Variants in ZNF445 observed in about 807,000 individuals in gnomAD.
ZNF445 encodes the protein zinc finger protein 168.
In ZNF445, 19 loss-of-function variants were observed where a neutral mutation model predicts 93.9. The ratio of observed to expected loss-of-function variants is 0.20; its 90% CI spans 0.14 to 0.30. The LOEUF (loss-of-function observed/expected upper bound fraction) is 0.30, where lower values mean the gene tolerates loss of function less well. Among genes scored for constraint, ZNF445 ranks in the 10% least tolerant of loss-of-function variants. The pLI, the probability that ZNF445 is intolerant of heterozygous loss-of-function variation, is 1.00. For synonymous variants in ZNF445, 449 were observed against 446.3 expected, an observed-to-expected ratio of 1.01 and a Z score of -0.08; for missense variants, 1,058 against 1,259.4, an observed-to-expected ratio of 0.84 and a Z score of 2.42.
intron 7 of ZNF445, among the ~76,000 whole-genome samples, chr3:44,449,276 T>C (rs891500466): frequency 2.0e-5 from 3 of 151,722 alleles, no homozygotes; most frequent in African/African-American, 4.8e-5. Context: ...GCAAGAACTA[T>C]TATTGAGAGG....
intron 1 of ZNF445, among the ~76,000 whole-genome samples, chr3:44,476,663 G>A (rs377618444): frequency 6.6e-6 from 1 of 152,170 alleles, no homozygotes. Flanking sequence ...TTCGGAAGGA[G>A]ACAATACTCT....
In ZNF445 at chr3:44,455,136, A is replaced by C; in HGVS notation, c.414T>G (p.Asp138Glu). ...ALLEELQRDLDGTSWRDPGPA... is the reference protein window; with the variant it reads ...ALLEELQRDLEGTSWRDPGPA... ...TCACACTCACCCTCCAGGATGTCCC[A>C]TCAAGGTCCCTCTGCAGCTCCTCCA... The change falls in exon 3 of 8, where the codon GAT (aspartate) becomes GAG (glutamate). Residue 138 changes from aspartate (D) to glutamate (E), a missense_variant. Physicochemically the swap from Asp to Glu is conservative, Grantham distance 45 (BLOSUM62 2). Transcript: ENST00000396077. 1 of 1,614,078 alleles carries C rather than the reference A, an allele frequency of 6.2e-7. No individual in the cohort carries two copies. Among genetic ancestry groups the C allele is most frequent in the Non-Finnish European group, 8.5e-7 (1 of 1,180,014 alleles).
chr3:44,465,505 T>C (rs1213588038), intron 1 of ZNF445, among the ~76,000 whole-genome samples: 2 of 152,248 alleles, frequency 1.3e-5, no homozygotes, highest in East Asian at 1.9e-4. Context: ...AGGGTTTTCT[T>C]AGAAAACTGA....
intron 2 of ZNF445, among the ~76,000 whole-genome samples, chr3:44,456,392 G>C (rs1354288334): frequency 1.3e-5 from 2 of 152,164 alleles, no homozygotes; most frequent in Non-Finnish European, 2.9e-5. Flanking sequence ...ACTCCAGCCT[G>C]GGCAACAGAG....
chr3:44,462,539 A>G (rs1188260314), intron 1 of ZNF445, among the ~76,000 whole-genome samples: 1 of 152,216 alleles, frequency 6.6e-6, no homozygotes. Flanking sequence ...GGCTTCCAGA[A>G]TGATTCCTGT....
chr3:44,477,174 T>C (rs566346268), intron 1 of ZNF445, among the ~76,000 whole-genome samples: 1 of 152,326 alleles, frequency 6.6e-6, no homozygotes, highest in South Asian at 2.1e-4. Flanking sequence ...CACGCTCTCA[T>C]TTCGTAATAT....
At chr3:44,466,331 A>G (rs913766815) in intron 1 of ZNF445, among the ~76,000 whole-genome samples, 4 of 152,148 alleles carry the variant, frequency 2.6e-5, no homozygotes, top group Admixed American at 6.5e-5. Context: ...TTCTAACCTA[A>G]TATTTTAGAT....
At position 44,435,470 on chromosome 3, in the gene ZNF445, T is replaced by C. The variant is rs1697658947; in HGVS notation, c.*11105A>G. The C allele has an allele frequency of 6.6e-6, 1 of 152,236 alleles. No individual in the cohort carries two copies. Among genetic ancestry groups the C allele is most frequent in the African/African-American group, 2.4e-5 (1 of 41,456 alleles). 9.4% of individuals were successfully genotyped at this position (152,236 alleles called of 1,614,324 possible). ...AATCACTAGTTAATTAAGTTTACAA[T>C]TAATCCAATTGTCATTCTCCAAGAT... On this transcript the variant is annotated 3_prime_UTR_variant, in exon 8 of 8. Transcript: ENST00000396077.
At chr3:44,466,251 G>A (rs561752916) in intron 1 of ZNF445, among the ~76,000 whole-genome samples, 4 of 152,186 alleles carry the variant, frequency 2.6e-5, no homozygotes, top group African/African-American at 9.6e-5. Context: ...ATTCTATTTT[G>A]TGATATCCAG....
intron 2 of ZNF445, among the ~76,000 whole-genome samples, chr3:44,457,712 A>G (rs986222584): frequency 1.3e-5 from 2 of 152,154 alleles, no homozygotes; most frequent in Non-Finnish European, 1.5e-5. Context: ...TTCAGAATGG[A>G]TCAGACTTGG....
At chr3:44,467,047 C>T (rs1290387694) in intron 1 of ZNF445, among the ~76,000 whole-genome samples, 5 of 152,156 alleles carry the variant, frequency 3.3e-5, no homozygotes, top group African/African-American at 1.2e-4. Context: ...CTCTAAGTGC[C>T]AGTCTCAGAT....
chr3:44,471,977 C>T (rs1373475290), intron 1 of ZNF445, among the ~76,000 whole-genome samples: 1 of 152,130 alleles, frequency 6.6e-6, no homozygotes, highest in African/African-American at 2.4e-5. Context: ...AGGCTCCAGC[C>T]TCGGTGCGTG....
chr3:44,457,997 A>T (rs1346561129), intron 2 of ZNF445, among the ~76,000 whole-genome samples: 1 of 145,730 alleles, frequency 6.9e-6, no homozygotes, highest in Non-Finnish European at 1.5e-5. Flanking sequence ...TGGGCGACAG[A>T]ATAAGACTCC....
At chr3:44,473,581 A>G (rs1260354017) in intron 1 of ZNF445, among the ~76,000 whole-genome samples, 1 of 152,042 alleles carries the variant, frequency 6.6e-6, no homozygotes, top group Non-Finnish European at 1.5e-5. Flanking sequence ...GGAGTGCCCA[A>G]AATTTGATTT....
chr3:44,473,823 C>T (rs1698306772), intron 1 of ZNF445, among the ~76,000 whole-genome samples: 2 of 148,964 alleles, frequency 1.3e-5, no homozygotes, highest in South Asian at 4.2e-4. Context: ...AACAGTACTG[C>T]ATTCTAGTGC....
intron 3 of ZNF445, among the ~76,000 whole-genome samples, chr3:44,453,200 C>T (rs556258206): frequency 2.6e-5 from 4 of 152,054 alleles, no homozygotes; most frequent in South Asian, 2.1e-4. Flanking sequence ...CGTGAGCCAC[C>T]GCGCCAAGCT....
rs1362240114 is a variant in ZNF445, at chr3:44,447,675, G to C, written c.1996C>G (p.Pro666Ala). 1 of 1,614,108 alleles carries C rather than the reference G, an allele frequency of 6.2e-7. No homozygotes were observed. The highest frequency in any genetic ancestry group is 1.3e-5 in the African/African-American group (1 of 75,046). ...DECREGFRQS[P>A]DCSQPQGAPA... ...GCACCCTGGGGCTGACTGCAGTCAG[G>C]AGATTGCCTGAAGCCTTCACGACAT... Residue 666 changes from proline (P) to alanine (A), a missense_variant, in exon 8 of 8, where the codon CCT (proline) becomes GCT (alanine). Coordinates refer to ENST00000396077, the MANE Select transcript of ZNF445 (RefSeq NM_181489.6). The surrounding 1 kb of genome is among the most constrained non-coding windows in gnomAD (Gnocchi z 4.7).
chr3:44,475,162 T>C (rs995713357), intron 1 of ZNF445, among the ~76,000 whole-genome samples: 3 of 152,054 alleles, frequency 2.0e-5, no homozygotes, highest in Non-Finnish European at 2.9e-5. Flanking sequence ...GTCATCATCA[T>C]TTTTATCTGA....
intron 1 of ZNF445, among the ~76,000 whole-genome samples, chr3:44,469,066 A>G (rs543845591): frequency 6.6e-6 from 1 of 151,992 alleles, no homozygotes; most frequent in East Asian, 1.9e-4. Context: ...AGCATTTTAT[A>G]GGATGAAATA....
Sources: allele counts gnomAD v4.1 joint callset (sites outside exome capture counted in the v4.1 genomes callset), GRCh38; gene constraint gnomAD v4.1.1; non-coding constraint Gnocchi (gnomAD v3.1); transcripts MANE v1.5; gene names NCBI Gene and HGNC (gene_info 2026-07-23, HGNC 2026-07-21).